CASK: variants seen among roughly 807,000 people sequenced by gnomAD.
The protein encoded by CASK is calcium/calmodulin dependent serine protein kinase, also known as peripheral plasma membrane protein CASK.
Under a neutral mutation model 82.9 loss-of-function variants are expected in CASK, and 4 were observed. That is an observed-to-expected ratio of 0.05 (90% CI 0.02 to 0.11). The LOEUF (loss-of-function observed/expected upper bound fraction) is 0.11, where lower values mean the gene tolerates loss of function less well. Ranked by LOEUF, CASK falls within the 10% of genes least tolerant of loss-of-function variation. The probability of loss-of-function intolerance (pLI) is 1.00; values close to 1 mark genes in which losing one functional copy is unlikely to be tolerated. For synonymous variants in CASK, 259 were observed against 253.5 expected (o/e 1.02, Z -0.20); for missense variants, 358 against 720.9 (o/e 0.50, Z 5.76).
chrX:41,638,425 C>T (rs1181442564), intron 8 of CASK, among the ~76,000 whole-genome samples: 1 of 110,526 alleles, frequency 9.0e-6, no homozygotes, highest in Non-Finnish European at 1.9e-5. Context: ...TGGTGGCATG[C>T]ACCTGTAATC....
chrX:41,689,518 T>C (rs1185411303), intron 5 of CASK, among the ~76,000 whole-genome samples: 5 of 112,074 alleles, frequency 4.5e-5, no homozygotes, highest in African/African-American at 1.6e-4. Flanking sequence ...ATTATATTAT[T>C]ACTATTTTAT....
At chrX:41,891,691 ACTC>A (rs1175211085) in intron 1 of CASK, among the ~76,000 whole-genome samples, 1 of 111,287 alleles carries the variant, frequency 9.0e-6, no homozygotes, top group Non-Finnish European at 1.9e-5. Context: ...GCACATCCAA[ACTC>A]ATCAGGAACA....
chrX:41,571,502 C>T (rs941632955), intron 15 of CASK, among the ~76,000 whole-genome samples: 24 of 110,988 alleles, frequency 2.2e-4, no homozygotes, highest in African/African-American at 7.9e-4. Flanking sequence ...GTAGTGATGC[C>T]CCTTCTCTCA....
At chrX:41,640,572 T>C (rs1195897620) in intron 8 of CASK, among the ~76,000 whole-genome samples, 1 of 111,655 alleles carries the variant, frequency 9.0e-6, no homozygotes, top group Non-Finnish European at 1.9e-5. Context: ...GTAAAACATG[T>C]TTACAGGTAT....
In CASK at chrX:41,650,801, A is replaced by G. The variant is rs909977300; in HGVS notation, c.831+9638T>C. On this transcript the variant is annotated intron_variant, in intron 8 of 26. Transcript: ENST00000378163. Reference sequence around the variant, plus strand: ...GTATCCAGGTGTTTTTCATATTTAAATTTCAACCATTCTAAAAAAATACCT... The same window carrying G: ...GTATCCAGGTGTTTTTCATATTTAAGTTTCAACCATTCTAAAAAAATACCT... Among the ~76,000 whole-genome samples the G allele has an allele frequency of 8.7e-4, 97 of 111,140 alleles. 1 individual carries two copies. The highest frequency in any genetic ancestry group is 3.0e-3 in the African/African-American group (93 of 30,629).
intron 2 of CASK, among the ~76,000 whole-genome samples, chrX:41,818,194 T>TGTGTGTG (rs1569458642): frequency 5.8e-5 from 6 of 102,678 alleles, no homozygotes; most frequent in African/African-American, 1.1e-4. Context: ...TGTGTGTGTG[T>TGTGTGTG]TTGCTGAAAT....
chrX:41,735,099 G>A (rs1452558138), intron 5 of CASK, among the ~76,000 whole-genome samples: 1 of 110,841 alleles, frequency 9.0e-6, no homozygotes, highest in Non-Finnish European at 1.9e-5. Context: ...TAATGCTTTT[G>A]GATCATATGC....
rs2064540926 is a variant in CASK at position 41,515,868 on chromosome X, A to C, written c.*4552T>G. The C allele has an allele frequency of 8.9e-6, 1 of 112,490 alleles. No homozygotes were observed. Among genetic ancestry groups the C allele is most frequent in the South Asian group, 3.7e-4 (1 of 2,720 alleles). 9.3% of individuals were successfully genotyped at this position (112,490 alleles called of 1,213,427 possible). A position where few individuals can be genotyped will look rare whatever the true frequency, so the allele number is the denominator to read the frequency against. Reference sequence around the variant, plus strand: ...ACACCAGAGAGAATGGAGCTAACACATAAGTAGCAGCTAAATTCTGAGTTT... The same window carrying C: ...ACACCAGAGAGAATGGAGCTAACACCTAAGTAGCAGCTAAATTCTGAGTTT... On this transcript the variant is annotated 3_prime_UTR_variant, in exon 27 of 27. Transcript: ENST00000378163.
chrX:41,602,159 CT>C (rs2065901985), intron 12 of CASK, among the ~76,000 whole-genome samples: 1 of 111,683 alleles, frequency 9.0e-6, no homozygotes, highest in Non-Finnish European at 1.9e-5. Context: ...AGAAATCCTA[CT>C]GGGATGTTGA....
At chrX:41,812,402 G>A (rs969520269) in intron 2 of CASK, among the ~76,000 whole-genome samples, 4 of 111,136 alleles carry the variant, frequency 3.6e-5, no homozygotes, top group Non-Finnish European at 5.7e-5. Flanking sequence ...ATGATCAAGT[G>A]GGCTTCATCC....
chrX:41,799,743 C>T (rs1210209933), intron 2 of CASK, among the ~76,000 whole-genome samples: 8 of 103,467 alleles, frequency 7.7e-5, no homozygotes. Flanking sequence ...TACAGAAATT[C>T]GATAAGAACA....
intron 8 of CASK, 72 bp from the exon 9 acceptor site, chrX:41,636,733 A>T: frequency 1.6e-6 from 1 of 639,727 alleles, no homozygotes; most frequent in South Asian, 2.5e-5. Context: ...TAAAACAAAT[A>T]ATAAAGCTAA....
intron 1 of CASK, among the ~76,000 whole-genome samples, chrX:41,904,999 G>A (rs1395887878): frequency 1.8e-5 from 2 of 111,826 alleles, no homozygotes; most frequent in African/African-American, 6.5e-5. Context: ...CTGTTGACAG[G>A]CATCTAGGTC....
chrX:41,774,918 A>C (rs1278505973), intron 3 of CASK, among the ~76,000 whole-genome samples: 14 of 112,136 alleles, frequency 1.2e-4, no homozygotes, highest in Admixed American at 7.6e-4. Context: ...ATTAGACTTA[A>C]AACCATAAAA....
intron 2 of CASK, among the ~76,000 whole-genome samples, chrX:41,839,315 T>G (rs778844185): frequency 3.5e-4 from 39 of 111,574 alleles, no homozygotes; most frequent in Non-Finnish European, 5.7e-4. Flanking sequence ...GATCTTTAAC[T>G]TCTTTCATCA....
At chrX:41,921,365 A>G (rs1466592319) in intron 1 of CASK, among the ~76,000 whole-genome samples, 1 of 112,147 alleles carries the variant, frequency 8.9e-6, no homozygotes, top group Admixed American at 9.4e-5. Flanking sequence ...AAAAGATGTA[A>G]AATATTTCAT....
chrX:41,531,199 T>C lies in CASK; in HGVS notation c.2328A>G (p.Arg776=), dbSNP rs941141082. The change falls in exon 25 of 27, where the codon AGA becomes AGG. Residue 776 remains arginine, a synonymous_variant. Coordinates refer to ENST00000378163, the MANE Select transcript of CASK (RefSeq NM_001367721.1). The part of the protein sequence containing the change: ...RFAYPIPHTT[R]PPKKDEENGK... ...CATTTTCTTCGTCTTTCTTTGGAGG[T>C]CTGGTTGTATCTGCAAAGTCGCATG... The C allele has an allele frequency of 8.3e-7, 1 of 1,205,078 alleles. No individual in the cohort carries two copies. Among genetic ancestry groups the C allele is most frequent in the Non-Finnish European group, 1.1e-6 (1 of 889,410 alleles).
chrX:41,771,783 G>A (rs974320453), intron 3 of CASK, among the ~76,000 whole-genome samples: 4 of 111,200 alleles, frequency 3.6e-5, no homozygotes, highest in Non-Finnish European at 7.5e-5. Flanking sequence ...AATAGGTGGT[G>A]CAAATAGAGA....
intron 5 of CASK, chrX:41,676,584 C>T: frequency 1.5e-6 from 1 of 678,930 alleles, no homozygotes; most frequent in Non-Finnish European, 2.2e-6. Flanking sequence ...CGGGCCTGGG[C>T]TCTGGCCTGC....
Sources: gnomAD v4.1 joint callset for allele counts (sites outside exome capture counted in the v4.1 genomes callset) on GRCh38, gnomAD v4.1.1 for gene constraint, MANE v1.5 for transcripts, NCBI Gene and HGNC (gene_info 2026-07-23, HGNC 2026-07-21) for gene names.